The following BPIFB6 variants were observed in gnomAD, a reference collection of about 807,000 sequenced individuals.
The protein encoded by BPIFB6 is BPI fold containing family B member 6.
BPIFB6 carries 47 observed loss-of-function variants against 54.7 expected under a neutral mutation model. The ratio of observed to expected loss-of-function variants is 0.86; its 90% CI spans 0.68 to 1.10. The LOEUF (loss-of-function observed/expected upper bound fraction) is 1.10. Ranked by LOEUF, BPIFB6 falls within the 50% of genes least tolerant of loss-of-function variation. BPIFB6 has a pLI of 0.00. For synonymous variants in BPIFB6, 255 were observed against 225.9 expected (o/e 1.13, Z -1.16); for missense variants, 603 against 564.1 (o/e 1.07, Z -0.70).
chr20:33,040,409 C>T (rs1979532287), intron 11 of BPIFB6, 91 bp downstream of exon 11: 1 of 1,199,188 alleles, frequency 8.3e-7, no homozygotes, highest in Admixed American at 1.9e-5. Flanking sequence ...GCTGATCCAC[C>T]CAGCACACCC....
rs780819648 is a variant in BPIFB6, at chr20:33,039,488, A to G, written c.1042A>G (p.Lys348Glu). The change falls in exon 10 of 15, where the codon AAG becomes GAG. Residue 348 changes from lysine (K) to glutamate (E), a missense_variant. Coordinates refer to ENST00000349552, the MANE Select transcript of BPIFB6 (RefSeq NM_174897.2). ...GATGTTCGCAGCTCGGTGGCGGAGC[A>G]AGGCTCCAATGTCCCTCTTTCTCCT... ...LEMFAARWRSKAPMSLFLLEV... is the reference protein window; with the variant it reads ...LEMFAARWRSEAPMSLFLLEV... 6.2e-7 allele frequency: 1 copy of G among 1,613,270 alleles called. No individual in the cohort carries two copies. Among genetic ancestry groups the G allele is most frequent in the Non-Finnish European group, 8.5e-7 (1 of 1,179,736 alleles).
chr20:33,039,877 T>A (rs1979504133), intron 10 of BPIFB6, among the ~76,000 whole-genome samples: 1 of 152,144 alleles, frequency 6.6e-6, no homozygotes, highest in Non-Finnish European at 1.5e-5. Context: ...GTTTTGAAGG[T>A]TGAGCAGGAG....
chr20:33,033,002 A>G lies in BPIFB6; in HGVS notation c.116A>G (p.Asp39Gly), dbSNP rs756291719. The G allele has an allele frequency of 1.2e-6, 2 of 1,613,942 alleles. No homozygotes were observed. Among genetic ancestry groups the G allele is most frequent in the East Asian group, 4.5e-5 (2 of 44,870 alleles). ...ACTCCAGAGGTCCAGAGCGCCATGG[A>G]TGAGAGTCATATCCTGGAGAAGATG... The part of the protein sequence containing the change: ...DIMNQVQSAM[D>G]ESHILEKMAA... The change falls in exon 2 of 15, where the codon GAT becomes GGT. Residue 39 changes from aspartate to glycine, a missense_variant. By Grantham distance (94) the Asp-to-Gly change is moderately conservative. Coordinates refer to ENST00000349552, the MANE Select transcript of BPIFB6 (RefSeq NM_174897.2).
intron 3 of BPIFB6, 134 bp downstream of exon 3, chr20:33,034,424 C>A (rs138848700): frequency 5.6e-6 from 4 of 717,028 alleles, no homozygotes; most frequent in Non-Finnish European, 9.8e-6. Context: ...TGGTCCCTAC[C>A]TTTGTCAGGA....
intron 11 of BPIFB6, 77 bp downstream of exon 11, chr20:33,040,395 C>T (rs767211362): frequency 3.0e-4 from 411 of 1,381,874 alleles, no homozygotes; most frequent in Non-Finnish European, 4.0e-4. Flanking sequence ...CCCCACACTA[C>T]CGAGCTGATC....
In BPIFB6 at chr20:33,035,542, T is replaced by A. The variant is rs1979300120; in HGVS notation, c.517-70T>A. 4 of 1,510,894 alleles carry A rather than the reference T, an allele frequency of 2.6e-6. No homozygotes were observed. In the African/African-American group the frequency reaches 4.1e-5, roughly 16 times the overall value. 93.6% of individuals were successfully genotyped at this position (1,510,894 alleles called of 1,614,324 possible). A position where few individuals can be genotyped will look rare whatever the true frequency, so the allele number is the denominator to read the frequency against. On this transcript the variant is annotated intron_variant, in intron 5 of 14. Coordinates refer to ENST00000349552, the MANE Select transcript of BPIFB6 (RefSeq NM_174897.2). The stretch of plus-strand genomic sequence containing the variant: ...CCAGGGCTCTTGGGATGGCCCGTGG[T>A]GTACCATTCAGCTGTGTGGAGGCTC...
At chr20:33,032,278 G>A (rs1370056046) in intron 1 of BPIFB6, among the ~76,000 whole-genome samples, 1 of 152,184 alleles carries the variant, frequency 6.6e-6, no homozygotes. Context: ...GTCACATCCA[G>A]GTACAAAAGG....
rs752857350 is a variant in BPIFB6, at chr20:33,043,334, G to C, written c.1296G>C (p.Met432Ile). 4.3e-6 allele frequency: 7 copies of C among 1,614,212 alleles called. No homozygotes were observed. In the East Asian group the frequency reaches 1.6e-4, roughly 36 times the overall value. The change falls in exon 14 of 15, where the codon ATG (methionine) becomes ATC (isoleucine). Residue 432 changes from methionine (M) to isoleucine (I), a missense_variant. Met to Ile is a conservative substitution (Grantham distance 10, BLOSUM62 1). Transcript: ENST00000349552. ...TCCCACTCCCGGACTTTCTGGCCAT[G>C]AATTACAACCTGGCTGAGCTGGACA... is the stretch of plus-strand genomic sequence containing the variant. ...VGLPLPDFLA[M>I]NYNLAELDIV...
chr20:33,036,368 G>A (rs1316987295), intron 6 of BPIFB6, 77 bp from the exon 7 acceptor site: 2 of 1,264,998 alleles, frequency 1.6e-6, no homozygotes, highest in Non-Finnish European at 2.2e-6. Flanking sequence ...GGTGCAGGTA[G>A]CAGCTGGCTG....
intron 11 of BPIFB6, 68 bp downstream of exon 11, chr20:33,040,386 C>A: frequency 6.9e-7 from 1 of 1,452,140 alleles, no homozygotes; most frequent in Non-Finnish European, 9.6e-7. Flanking sequence ...TCTAGCACAC[C>A]CCACACTACC....
At chr20:33,043,733 G>C (rs1296416423) in intron 14 of BPIFB6, among the ~76,000 whole-genome samples, 1 of 152,182 alleles carries the variant, frequency 6.6e-6, no homozygotes, top group Non-Finnish European at 1.5e-5. Context: ...TATTACCTTT[G>C]TATTGCATGC....
intron 1 of BPIFB6, among the ~76,000 whole-genome samples, chr20:33,032,035 G>A (rs1350784026): frequency 1.3e-5 from 2 of 152,202 alleles, no homozygotes; most frequent in Non-Finnish European, 2.9e-5. Context: ...CAAGTGGGCT[G>A]TGGGAGTGAC....
In BPIFB6 at chr20:33,035,673, G is replaced by A. The variant is rs748155798; in HGVS notation, c.577+1G>A. 1.2e-6 allele frequency: 2 copies of A among 1,613,982 alleles called. No homozygotes were observed. The highest frequency in any genetic ancestry group is 1.7e-5 in the Admixed American group (1 of 60,022). On this transcript the variant is annotated splice_donor_variant, in intron 6 of 14. Transcript: ENST00000349552. LOFTEE classifies it high-confidence loss of function. ...AACAGGAAGTGGACCAACCTCAGTG[G>A]TGAGTGTAGCCCTACCCACACCTTG... is the stretch of plus-strand genomic sequence containing the variant.
intron 2 of BPIFB6, 91 bp from the exon 3 acceptor site, chr20:33,034,095 G>C: frequency 1.1e-6 from 1 of 906,416 alleles, no homozygotes; most frequent in Non-Finnish European, 1.9e-6. Context: ...CGGGGTTATC[G>C]AAAGTCTTCC....
intron 10 of BPIFB6, 42 bp downstream of exon 10, chr20:33,039,562 T>G: frequency 6.4e-7 from 1 of 1,574,246 alleles, no homozygotes; most frequent in Non-Finnish European, 8.6e-7. Context: ...CCCAATCTCT[T>G]GGATATTCAG....
chr20:33,035,643 A>G lies in BPIFB6; in HGVS notation c.548A>G (p.Tyr183Cys). ...MCPAIDAVLV[Y>C]VNRKWTNLSD... ...CCCGCCATCGATGCAGTCCTGGTGT[A>G]TGTGAACAGGAAGTGGACCAACCTC... Residue 183 changes from tyrosine (Y) to cysteine (C), a missense_variant, in exon 6 of 15, where the codon TAT (tyrosine) becomes TGT (cysteine). Physicochemically the swap from Tyr to Cys is radical, Grantham distance 194. Transcript: ENST00000349552. 1 of 1,614,150 alleles carries G rather than the reference A, an allele frequency of 6.2e-7. No individual in the cohort carries two copies. Among genetic ancestry groups the G allele is most frequent in the Non-Finnish European group, 8.5e-7 (1 of 1,180,018 alleles).
At chr20:33,042,564 A>G (rs190622465) in intron 12 of BPIFB6, among the ~76,000 whole-genome samples, 52 of 152,304 alleles carry the variant, frequency 3.4e-4, no homozygotes, top group African/African-American at 1.1e-3. Flanking sequence ...TTCTTGTCTC[A>G]TGAGTTTTCC....
At position 33,036,437 on chromosome 20, in the gene BPIFB6, T is replaced by A. The variant is rs1568985991; in HGVS notation, c.578-8T>A. ...TGCCTCTTTGAGTGGAACCTCCTTT[T>A]CACACAGACCCCATGCCTGTGGGCC... On this transcript the variant is annotated splice_polypyrimidine_tract_variant and splice_region_variant and intron_variant, in intron 6 of 14. Coordinates refer to ENST00000349552, the MANE Select transcript of BPIFB6 (RefSeq NM_174897.2). 6.2e-7 allele frequency: 1 copy of A among 1,608,172 alleles called. No homozygotes were observed. Among genetic ancestry groups the A allele is most frequent in the East Asian group, 2.2e-5 (1 of 44,728 alleles).
At chr20:33,038,840 A>G in intron 8 of BPIFB6, 69 bp from the exon 9 acceptor site, 1 of 1,418,266 alleles carries the variant, frequency 7.1e-7, no homozygotes, top group African/African-American at 1.4e-5. Flanking sequence ...TTGTTAAGTC[A>G]GTGGAGATGT....
Sources: gnomAD v4.1 joint callset for allele counts (sites outside exome capture counted in the v4.1 genomes callset) on GRCh38, gnomAD v4.1.1 for gene constraint, MANE v1.5 for transcripts, NCBI Gene and HGNC (gene_info 2026-07-23, HGNC 2026-07-21) for gene names.